The following WDR70 variants were observed in gnomAD, a reference collection of about 807,000 sequenced individuals.
The protein encoded by WDR70 is WD repeat domain 70, also known as WD repeat-containing protein 70.
A neutral mutation model predicts 88.6 loss-of-function variants in WDR70; 53 were observed. The ratio of observed to expected loss-of-function variants is 0.60; its 90% CI spans 0.48 to 0.75. The LOEUF (loss-of-function observed/expected upper bound fraction) is 0.75, where lower values mean the gene tolerates loss of function less well. Among genes scored for constraint, WDR70 ranks in the 30% least tolerant of loss-of-function variants. The probability of loss-of-function intolerance (pLI) is 0.00; values close to 1 mark genes in which losing one functional copy is unlikely to be tolerated. For missense variants in WDR70, 610 were observed against 823.2 expected, an observed-to-expected ratio of 0.74 and a Z score of 3.17; for synonymous variants, 280 against 270.0, an observed-to-expected ratio of 1.04 and a Z score of -0.36.
At chr5:37,414,795 T>TA (rs1561843059) in intron 5 of WDR70, among the ~76,000 whole-genome samples, 1 of 151,914 alleles carries the variant, frequency 6.6e-6, no homozygotes, top group African/African-American at 2.4e-5. Flanking sequence ...TTTTTTTTTT[T>TA]ATTTTTATTG....
chr5:37,506,870 C>G, intron 8 of WDR70: 1 of 1,201,048 alleles, frequency 8.3e-7, no homozygotes, highest in Admixed American at 1.7e-5. Flanking sequence ...GCGCTGCCCC[C>G]GGTGGGTCCT....
At chr5:37,709,398 A>G (rs890519565) in intron 13 of WDR70, among the ~76,000 whole-genome samples, 1 of 152,218 alleles carries the variant, frequency 6.6e-6, no homozygotes, top group Non-Finnish European at 1.5e-5. Flanking sequence ...AGCCTGAGTA[A>G]CATATTTGTA....
chr5:37,681,191 C>G (rs907351015), intron 10 of WDR70, among the ~76,000 whole-genome samples: 13 of 151,832 alleles, frequency 8.6e-5, no homozygotes, highest in Non-Finnish European at 2.9e-5. Flanking sequence ...GTATTTGATT[C>G]TTTTTGTGGA....
intron 8 of WDR70, among the ~76,000 whole-genome samples, chr5:37,483,560 T>G (rs1250554921): frequency 1.3e-5 from 2 of 152,344 alleles, no homozygotes; most frequent in South Asian, 2.1e-4. Context: ...TTTCCCCCTT[T>G]TCTATTCCAC....
rs1741962571 is a variant in WDR70, at chr5:37,545,557, A to C, written c.917+28967A>C. On this transcript the variant is annotated intron_variant, in intron 9 of 17. Transcript: ENST00000265107. ...TTTGTTTTTGTTTTTTTTTTGAGAT[A>C]GAGTCTCACTCTGTCACCCAGGCTG... is the stretch of plus-strand genomic sequence containing the variant. 2.0e-5 allele frequency among the ~76,000 whole-genome samples: 3 copies of C among 149,318 alleles called. No homozygotes were observed. The South Asian group carries it at 6.3e-4, about 31-fold the overall frequency.
intron 7 of WDR70, among the ~76,000 whole-genome samples, chr5:37,455,430 C>T (rs540680947): frequency 9.3e-5 from 14 of 151,236 alleles, no homozygotes; most frequent in Non-Finnish European, 2.1e-4. Context: ...TTAGTAGAGA[C>T]GGGGTTTCAC....
chr5:37,532,488 G>A (rs1741526780), intron 9 of WDR70, among the ~76,000 whole-genome samples: 1 of 151,870 alleles, frequency 6.6e-6, no homozygotes, highest in Admixed American at 6.6e-5. Flanking sequence ...TGATGGATTG[G>A]GTTAATTCAA....
intron 10 of WDR70, among the ~76,000 whole-genome samples, chr5:37,651,609 C>A (rs1745411164): frequency 6.6e-6 from 1 of 152,210 alleles, no homozygotes; most frequent in African/African-American, 2.4e-5. Context: ...TTCTCCACAT[C>A]CTCTCCAGCA....
intron 9 of WDR70, among the ~76,000 whole-genome samples, chr5:37,537,791 A>T (rs544253035): frequency 3.3e-5 from 5 of 152,290 alleles, no homozygotes; most frequent in Non-Finnish European, 7.4e-5. Flanking sequence ...TATTTTTCAG[A>T]AAGAAATAAG....
chr5:37,394,202 G>A (rs1202124665), intron 4 of WDR70, among the ~76,000 whole-genome samples: 1 of 151,532 alleles, frequency 6.6e-6, no homozygotes, highest in Admixed American at 6.6e-5. Context: ...CTACTTGGGA[G>A]GCTGAGGCAA....
chr5:37,729,163 G>A (rs1748069085), intron 17 of WDR70, among the ~76,000 whole-genome samples: 1 of 152,082 alleles, frequency 6.6e-6, no homozygotes, highest in Non-Finnish European at 1.5e-5. Context: ...ACCACAAGAT[G>A]TTACAGACTC....
intron 9 of WDR70, among the ~76,000 whole-genome samples, chr5:37,552,433 C>T (rs1231259239): frequency 1.3e-5 from 2 of 152,074 alleles, no homozygotes; most frequent in Non-Finnish European, 2.9e-5. Flanking sequence ...TAAAGAAATA[C>T]CAGTTATCTA....
intron 10 of WDR70, among the ~76,000 whole-genome samples, chr5:37,655,039 T>C (rs1457955921): frequency 6.6e-6 from 1 of 152,140 alleles, no homozygotes; most frequent in African/African-American, 2.4e-5. Context: ...TTCTTCATGG[T>C]TTTGATGGTC....
chr5:37,653,523 C>G (rs1023334813), intron 10 of WDR70, among the ~76,000 whole-genome samples: 4 of 152,092 alleles, frequency 2.6e-5, no homozygotes, highest in Non-Finnish European at 4.4e-5. Flanking sequence ...GGTACCAGCT[C>G]CTCTTTGTAC....
chr5:37,588,724 G>A (rs374648784), intron 9 of WDR70, among the ~76,000 whole-genome samples: 5 of 152,020 alleles, frequency 3.3e-5, no homozygotes, highest in African/African-American at 1.2e-4. Flanking sequence ...CTACAGGCAT[G>A]CATTACCACA....
chr5:37,690,704 A>G (rs1028641171), intron 10 of WDR70, among the ~76,000 whole-genome samples: 2 of 152,238 alleles, frequency 1.3e-5, no homozygotes, highest in Non-Finnish European at 2.9e-5. Context: ...GACCTCCTGA[A>G]GGAAGTACTA....
chr5:37,598,187 C>T (rs1046879814), intron 9 of WDR70, among the ~76,000 whole-genome samples: 1 of 152,178 alleles, frequency 6.6e-6, no homozygotes, highest in African/African-American at 2.4e-5. Flanking sequence ...CCACATTTGT[C>T]TCTTCGTTCT....
chr5:37,380,050 C>T (rs13183164), intron 2 of WDR70, among the ~76,000 whole-genome samples: 1 of 152,138 alleles, frequency 6.6e-6, no homozygotes, highest in Admixed American at 6.6e-5. Context: ...TACCATATCC[C>T]TACCAACACA....
chr5:37,468,397 A>G (rs1010082273), intron 7 of WDR70, among the ~76,000 whole-genome samples: 2 of 152,192 alleles, frequency 1.3e-5, no homozygotes, highest in Non-Finnish European at 2.9e-5. Context: ...TTCAGATTAT[A>G]TATATTCCTA....
Sources: gnomAD v4.1 joint callset for allele counts (sites outside exome capture counted in the v4.1 genomes callset) on GRCh38, gnomAD v4.1.1 for gene constraint, MANE v1.5 for transcripts, NCBI Gene and HGNC (gene_info 2026-07-23, HGNC 2026-07-21) for gene names.